Variants in ASIC2 observed in about 807,000 individuals in gnomAD.
The protein encoded by ASIC2 is acid-sensing ion channel 2.
In ASIC2, 25 loss-of-function variants were observed where a neutral mutation model predicts 57.3. The observed-to-expected ratio is 0.44, with a 90% CI of 0.32 to 0.61. The LOEUF is 0.61. ASIC2 is among the 20% of genes least tolerant of loss of function. The pLI is 0.06. For synonymous variants in ASIC2, 319 were observed against 307.5 expected (o/e 1.04, Z -0.39); for missense variants, 641 against 738.1 (o/e 0.87, Z 1.52).
intron 1 of ASIC2, among the ~76,000 whole-genome samples, chr17:33,353,623 C>A (rs976733467): frequency 7.9e-5 from 12 of 152,166 alleles, no homozygotes; most frequent in Admixed American, 2.0e-4. Context: ...CAAGCGTGAG[C>A]CACCATGCCT....
intron 1 of ASIC2, among the ~76,000 whole-genome samples, chr17:33,457,637 G>C (rs1912496236): frequency 6.6e-6 from 1 of 152,190 alleles, no homozygotes; most frequent in African/African-American, 2.4e-5. Context: ...TGCTGCTGCT[G>C]CTGCTGCTGA....
intron 1 of ASIC2, among the ~76,000 whole-genome samples, chr17:33,909,224 C>T (rs1337307014): frequency 6.6e-6 from 1 of 152,208 alleles, no homozygotes; most frequent in East Asian, 1.9e-4. Flanking sequence ...ATTACAATTC[C>T]TGTAACAAGA....
chr17:34,104,085 A>G (rs1910959428), intron 1 of ASIC2, among the ~76,000 whole-genome samples: 1 of 152,098 alleles, frequency 6.6e-6, no homozygotes, highest in Non-Finnish European at 1.5e-5. Flanking sequence ...CCAACCCACA[A>G]ATATAGTATA....
chr17:33,745,015 GAAAAT>G (rs1390255667), intron 1 of ASIC2, among the ~76,000 whole-genome samples: 2 of 152,120 alleles, frequency 1.3e-5, no homozygotes, highest in African/African-American at 4.8e-5. Flanking sequence ...AGAACAGAGA[GAAAAT>G]AAAATAAAGA....
chr17:34,015,172 G>A (rs1597974715), intron 1 of ASIC2, among the ~76,000 whole-genome samples: 1 of 148,940 alleles, frequency 6.7e-6, no homozygotes, highest in African/African-American at 2.5e-5. Context: ...GCCTCCCCAA[G>A]TGCTGGGACT....
intron 1 of ASIC2, among the ~76,000 whole-genome samples, chr17:33,648,032 C>T (rs1442928983): frequency 3.3e-5 from 5 of 152,192 alleles, no homozygotes; most frequent in African/African-American, 4.8e-5. Flanking sequence ...CATGTGAGGA[C>T]GGTCCCCATC....
chr17:33,340,984 G>A (rs1907697703), intron 1 of ASIC2, among the ~76,000 whole-genome samples: 1 of 152,190 alleles, frequency 6.6e-6, no homozygotes, highest in African/African-American at 2.4e-5. Context: ...ACTTGAGATA[G>A]TCATGTGTGG....
At chr17:33,733,127 A>G (rs115799719) in intron 1 of ASIC2, among the ~76,000 whole-genome samples, 13 of 152,304 alleles carry the variant, frequency 8.5e-5, no homozygotes, top group African/African-American at 1.4e-4. Flanking sequence ...TAAAAGATAG[A>G]TAGAATATAA....
intron 1 of ASIC2, chr17:34,003,989 A>G (rs562571436): frequency 1.4e-4 from 21 of 152,336 alleles, no homozygotes; most frequent in African/African-American, 5.1e-4. Flanking sequence ...TGATGCCTGA[A>G]CTTGAGGTCG....
intron 3 of ASIC2, among the ~76,000 whole-genome samples, chr17:33,032,109 G>T (rs1222151276): frequency 6.6e-6 from 1 of 152,082 alleles, no homozygotes; most frequent in Admixed American, 6.5e-5. Flanking sequence ...TACACTTAAT[G>T]CAATTTTTGA....
chr17:33,071,572 T>C (rs1402213344), intron 3 of ASIC2, among the ~76,000 whole-genome samples: 1 of 152,250 alleles, frequency 6.6e-6, no homozygotes, highest in African/African-American at 2.4e-5. Context: ...TCATAGGTCA[T>C]ATTTTCCTGC....
chr17:33,958,521 G>C (rs1469872866), intron 1 of ASIC2, among the ~76,000 whole-genome samples: 1 of 152,136 alleles, frequency 6.6e-6, no homozygotes, highest in Non-Finnish European at 1.5e-5. Context: ...TCAAGGCTTG[G>C]GGCTTGTACC....
At chr17:33,093,347 C>G (rs2092164967) in intron 2 of ASIC2, among the ~76,000 whole-genome samples, 2 of 151,866 alleles carry the variant, frequency 1.3e-5, no homozygotes, top group Admixed American at 1.3e-4. Context: ...TGATTCAATG[C>G]TAAGCTCCTT....
At chr17:33,802,836 T>C (rs141403237) in intron 1 of ASIC2, among the ~76,000 whole-genome samples, 46 of 152,372 alleles carry the variant, frequency 3.0e-4, no homozygotes, top group African/African-American at 1.0e-3. Context: ...TCTTGTGTGC[T>C]CTTTCGTGGG....
chr17:34,066,306 T>A (rs1368866608), intron 1 of ASIC2, among the ~76,000 whole-genome samples: 1 of 152,248 alleles, frequency 6.6e-6, no homozygotes, highest in Non-Finnish European at 1.5e-5. Flanking sequence ...GTGATCTCTC[T>A]AAGCCACTGG....
intron 3 of ASIC2, among the ~76,000 whole-genome samples, chr17:33,087,504 G>A (rs1213240520): frequency 6.6e-6 from 1 of 151,702 alleles, no homozygotes; most frequent in Non-Finnish European, 1.5e-5. Context: ...CACAGTTTGT[G>A]AGGCCTATGC....
intron 1 of ASIC2, among the ~76,000 whole-genome samples, chr17:33,816,049 G>A (rs551825198): frequency 1.1e-3 from 172 of 152,104 alleles, no homozygotes; most frequent in Non-Finnish European, 1.8e-3. Context: ...AAGGAAGGGG[G>A]TTATTACATA....
intron 1 of ASIC2, among the ~76,000 whole-genome samples, chr17:34,141,593 G>A (rs1457217597): frequency 6.6e-6 from 1 of 152,178 alleles, no homozygotes; most frequent in Admixed American, 6.5e-5. Flanking sequence ...CTCGAGCCTA[G>A]CACAATGTCT....
intron 1 of ASIC2, among the ~76,000 whole-genome samples, chr17:33,278,862 C>T (rs1370830819): frequency 6.6e-6 from 1 of 151,974 alleles, no homozygotes; most frequent in African/African-American, 2.4e-5. Context: ...GGGACAGCTA[C>T]AGGATAAAGC....
Sources: gnomAD v4.1 joint callset for allele counts (sites outside exome capture counted in the v4.1 genomes callset) on GRCh38, gnomAD v4.1.1 for gene constraint, MANE v1.5 for transcripts, NCBI Gene and HGNC (gene_info 2026-07-23, HGNC 2026-07-21) for gene names.